Variants in NR6A1 observed in about 807,000 individuals in gnomAD.
NR6A1 encodes retinoic acid receptor-related testis-associated receptor.
NR6A1 carries 7 observed loss-of-function variants against 59.1 expected under a neutral mutation model. The observed-to-expected ratio is 0.12, with a 90% CI of 0.07 to 0.22. The LOEUF is 0.22. NR6A1 is among the 10% of genes least tolerant of loss of function. The pLI is 1.00. For missense variants in NR6A1, 468 were observed against 611.6 expected (o/e 0.77, Z 2.48); for synonymous variants, 243 against 236.1 (o/e 1.03, Z -0.27).
At chr9:124,597,744 A>G (rs1001691287) in intron 2 of NR6A1, among the ~76,000 whole-genome samples, 12 of 152,204 alleles carry the variant, frequency 7.9e-5, no homozygotes, top group Non-Finnish European at 1.6e-4. Context: ...CAGTCCCACA[A>G]GTTTTTTGAG....
At chr9:124,597,378 G>A (rs1382384741) in intron 2 of NR6A1, among the ~76,000 whole-genome samples, 4 of 150,028 alleles carry the variant, frequency 2.7e-5, no homozygotes, top group Non-Finnish European at 5.9e-5. Context: ...CAAATAGAAT[G>A]AGGGTGGAAA....
At chr9:124,675,380 C>T (rs898593653) in intron 2 of NR6A1, among the ~76,000 whole-genome samples, 1 of 152,220 alleles carries the variant, frequency 6.6e-6, no homozygotes, top group Non-Finnish European at 1.5e-5. Context: ...CAGCATCTAG[C>T]ACATTGCCTG....
In NR6A1 at chr9:124,598,435, G is replaced by T. The variant is rs1217097111; in HGVS notation, c.143-43865C>A. 4.0e-5 allele frequency among the ~76,000 whole-genome samples: 6 copies of T among 151,112 alleles called. No individual in the cohort carries two copies. In the East Asian group the frequency reaches 1.2e-3, roughly 29 times the overall value. On this transcript the variant is annotated intron_variant, in intron 2 of 9. Transcript: ENST00000487099. ...TAAGTGGGAAGGAGAGAGAAAACAGGAAATCAACATTTTCTACTTGCTAAT... is the reference window on the plus strand; with the variant it reads ...TAAGTGGGAAGGAGAGAGAAAACAGTAAATCAACATTTTCTACTTGCTAAT...
chr9:124,540,282 AG>A (rs1453413358), intron 4 of NR6A1, 95 bp from the exon 5 acceptor site: 1 of 1,365,398 alleles, frequency 7.3e-7, no homozygotes, highest in African/African-American at 1.4e-5. Flanking sequence ...AGGATTTCCC[AG>A]AAACCTAGGT....
At chr9:124,687,291 A>ATTAATTATTTATTTATTTATTTAT (rs59770058) in intron 2 of NR6A1, among the ~76,000 whole-genome samples, 135 of 142,168 alleles carry the variant, frequency 9.5e-4, no homozygotes, top group African/African-American at 3.6e-3. Flanking sequence ...CAGCTAATTA[A>ATTAATTATTTATTTATTTATTTAT]TTATTTATTT....
intron 2 of NR6A1, among the ~76,000 whole-genome samples, chr9:124,637,992 C>A (rs1225663693): frequency 6.6e-6 from 1 of 151,644 alleles, no homozygotes; most frequent in Non-Finnish European, 1.5e-5. Context: ...TGCTTGTAAT[C>A]CCAGCACTGT....
At chr9:124,548,064 G>A (rs1263932397) in intron 3 of NR6A1, among the ~76,000 whole-genome samples, 3 of 145,512 alleles carry the variant, frequency 2.1e-5, no homozygotes, top group East Asian at 2.2e-4. Flanking sequence ...AAGAAGGTGC[G>A]TACATGCAGG....
intron 2 of NR6A1, among the ~76,000 whole-genome samples, chr9:124,686,893 G>C (rs1564237278): frequency 6.6e-6 from 1 of 151,854 alleles, no homozygotes; most frequent in Non-Finnish European, 1.5e-5. Context: ...TGTAGAGATG[G>C]GGTTCTTGCC....
At chr9:124,738,600 C>T (rs539459385) in intron 1 of NR6A1, among the ~76,000 whole-genome samples, 2 of 152,048 alleles carry the variant, frequency 1.3e-5, no homozygotes, top group South Asian at 4.2e-4. Context: ...CGGGCACAAT[C>T]GCTCACGCCT....
chr9:124,532,901 C>T (rs552460104), intron 7 of NR6A1, among the ~76,000 whole-genome samples: 1 of 152,158 alleles, frequency 6.6e-6, no homozygotes, highest in African/African-American at 2.4e-5. Flanking sequence ...CTGTAGTGGA[C>T]GGTACAGCTT....
chr9:124,748,737 C>G (rs1840408390), intron 1 of NR6A1, among the ~76,000 whole-genome samples: 1 of 151,732 alleles, frequency 6.6e-6, no homozygotes, highest in African/African-American at 2.4e-5. Flanking sequence ...CGGTGGCAGG[C>G]GCCTGTAGTC....
At chr9:124,742,561 AAAAAATAAAAAT>A (rs965134051) in intron 1 of NR6A1, among the ~76,000 whole-genome samples, 14 of 151,786 alleles carry the variant, frequency 9.2e-5, no homozygotes, top group Admixed American at 5.9e-4. Flanking sequence ...ACTTCGTCTC[AAAAAATAAAAAT>A]AAAAATAAAA....
At chr9:124,722,520 A>C (rs1014254342) in intron 2 of NR6A1, among the ~76,000 whole-genome samples, 2 of 152,200 alleles carry the variant, frequency 1.3e-5, no homozygotes, top group Non-Finnish European at 2.9e-5. Flanking sequence ...AGCTGGAAGA[A>C]TCCACAAAAA....
intron 1 of NR6A1, among the ~76,000 whole-genome samples, chr9:124,750,763 A>T (rs567063329): frequency 1.3e-5 from 2 of 152,244 alleles, no homozygotes; most frequent in South Asian, 4.2e-4. Flanking sequence ...CCGTCTCAAA[A>T]AAATAAATAA....
intron 2 of NR6A1, among the ~76,000 whole-genome samples, chr9:124,555,712 A>G (rs191299174): frequency 6.6e-6 from 1 of 152,308 alleles, no homozygotes; most frequent in East Asian, 1.9e-4. Context: ...TAGCTCTGAA[A>G]CTAGCTGGGT....
chr9:124,711,250 T>C (rs538006322), intron 2 of NR6A1, among the ~76,000 whole-genome samples: 6 of 144,756 alleles, frequency 4.1e-5, no homozygotes, highest in Non-Finnish European at 7.5e-5. Flanking sequence ...CAATCTATTC[T>C]AGCCTGCCAG....
chr9:124,717,417 G>A (rs1229586909), intron 2 of NR6A1, among the ~76,000 whole-genome samples: 2 of 152,156 alleles, frequency 1.3e-5, no homozygotes, highest in South Asian at 2.1e-4. Context: ...ACTAACACCA[G>A]CAACACATAG....
Position 124,538,163 on chromosome 9 carries a change from G to A in NR6A1, c.753C>T (p.Tyr251=), listed in dbSNP as rs1272704867. 9 of 1,614,232 alleles carry A rather than the reference G, an allele frequency of 5.6e-6. No homozygotes were observed. Among genetic ancestry groups the A allele is most frequent in the East Asian group, 4.5e-5 (2 of 44,894 alleles). Residue 251 remains tyrosine (Y), a synonymous_variant, in exon 6 of 10, where the codon TAC becomes TAT. Coordinates refer to ENST00000487099, the MANE Select transcript of NR6A1 (RefSeq NM_033334.4). ...QQARSLDPQS[Y]SLIHQLLSAE... is the part of the protein sequence containing the mutation. ...CTGATAACAGCTGGTGAATCAGACTGTATGACTGGGGATCCAGGCTGCGAG... is the reference window on the plus strand; with the variant it reads ...CTGATAACAGCTGGTGAATCAGACTATATGACTGGGGATCCAGGCTGCGAG...
At chr9:124,754,971 T>TA (rs769955374) in intron 1 of NR6A1, among the ~76,000 whole-genome samples, 11 of 152,084 alleles carry the variant, frequency 7.2e-5, no homozygotes, top group Non-Finnish European at 1.2e-4. Context: ...AAAAATACAT[T>TA]AAAAAATCAC....
Sources: gnomAD v4.1 joint callset for allele counts (sites outside exome capture counted in the v4.1 genomes callset) on GRCh38, gnomAD v4.1.1 for gene constraint, MANE v1.5 for transcripts, NCBI Gene and HGNC (gene_info 2026-07-23, HGNC 2026-07-21) for gene names.